Variants in IL1RAPL1 observed in about 807,000 individuals in gnomAD.
IL1RAPL1 encodes the protein interleukin-1 receptor accessory protein-like 1.
IL1RAPL1 carries 3 observed loss-of-function variants against 48.4 expected under a neutral mutation model. That is an observed-to-expected ratio of 0.06 (90% CI 0.03 to 0.16). The LOEUF (loss-of-function observed/expected upper bound fraction) is 0.16. Ranked by LOEUF, IL1RAPL1 falls within the 10% of genes least tolerant of loss-of-function variation. The pLI is 1.00. For synonymous variants in IL1RAPL1, 185 were observed against 187.7 expected, an observed-to-expected ratio of 0.99 and a Z score of 0.12; for missense variants, 349 against 530.6, an observed-to-expected ratio of 0.66 and a Z score of 3.36.
rs146301678 is a variant in IL1RAPL1 at position 29,217,251 on chromosome X, T to C, written c.83-65687T>C. ...AAAATGCTAGTCTAGACCAAATCAATTGACTTCATGACCCAATAATAGATA... is the reference window on the plus strand; with the variant it reads ...AAAATGCTAGTCTAGACCAAATCAACTGACTTCATGACCCAATAATAGATA... On this transcript the variant is annotated intron_variant, in intron 2 of 10. Coordinates refer to ENST00000378993, the MANE Select transcript of IL1RAPL1 (RefSeq NM_014271.4). 7.5e-3 allele frequency among the ~76,000 whole-genome samples: 843 copies of C among 112,322 alleles called. 2 individuals are homozygous for C. The highest frequency in any genetic ancestry group is 0.018 in the Middle Eastern group (4 of 218).
intron 2 of IL1RAPL1, among the ~76,000 whole-genome samples, chrX:29,086,234 G>A (rs1055848404): frequency 8.9e-6 from 1 of 112,429 alleles, no homozygotes; most frequent in African/African-American, 3.2e-5. Flanking sequence ...CTCCAACATT[G>A]TGAGCATCCC....
intron 1 of IL1RAPL1, among the ~76,000 whole-genome samples, chrX:28,703,758 C>A (rs771213060): frequency 3.6e-5 from 4 of 112,022 alleles, no homozygotes; most frequent in South Asian, 7.4e-4. Flanking sequence ...TACTCTAAAG[C>A]AAAGCACTTT....
intron 2 of IL1RAPL1, among the ~76,000 whole-genome samples, chrX:28,928,069 ATT>A (rs1157284691): frequency 9.0e-6 from 1 of 110,539 alleles, no homozygotes; most frequent in South Asian, 3.8e-4. Flanking sequence ...AGACCTTTTG[ATT>A]TTTTTCCATC....
Position 28,918,764 on chromosome X carries a change from T to C in IL1RAPL1, c.82+129339T>C, listed in dbSNP as rs147787213. ...ATTCCTGGTAAATAGAAAGGCCTGA[T>C]TGAAAGCTCTGAGCTGGGAACACAG... On this transcript the variant is annotated intron_variant, in intron 2 of 10. Transcript: ENST00000378993. 3.4e-3 allele frequency among the ~76,000 whole-genome samples: 378 copies of C among 111,396 alleles called. 2 individuals are homozygous for C. The highest frequency in any genetic ancestry group is 5.2e-3 in the Non-Finnish European group (275 of 53,018).
intron 6 of IL1RAPL1, among the ~76,000 whole-genome samples, chrX:29,757,449 A>T (rs1343772724): frequency 8.9e-6 from 1 of 112,057 alleles, no homozygotes; most frequent in African/African-American, 3.2e-5. Flanking sequence ...CTTCTATCCA[A>T]TTTCCAATCA....
At chrX:29,435,808 C>T (rs1934475858) in intron 5 of IL1RAPL1, among the ~76,000 whole-genome samples, 1 of 110,294 alleles carries the variant, frequency 9.1e-6, no homozygotes, top group Middle Eastern at 4.6e-3. Flanking sequence ...CCTCTGAAGA[C>T]CCAGCCTCAC....
At chrX:28,962,208 T>G (rs1344921738) in intron 2 of IL1RAPL1, among the ~76,000 whole-genome samples, 1 of 112,238 alleles carries the variant, frequency 8.9e-6, no homozygotes, top group Admixed American at 9.5e-5. Context: ...TCTGGTTCTC[T>G]ATTGGAAAAC....
chrX:29,704,650 C>A (rs1927144552), intron 6 of IL1RAPL1, among the ~76,000 whole-genome samples: 1 of 110,972 alleles, frequency 9.0e-6, no homozygotes, highest in Non-Finnish European at 1.9e-5. Flanking sequence ...GCCTGGGTGA[C>A]AGAGTGAGAC....
intron 2 of IL1RAPL1, among the ~76,000 whole-genome samples, chrX:28,797,604 A>G (rs1936628571): frequency 9.0e-6 from 1 of 111,412 alleles, no homozygotes; most frequent in African/African-American, 3.3e-5. Context: ...CCTCATCTCC[A>G]TCTCAGAACG....
At chrX:29,074,499 C>A (rs1046449246) in intron 2 of IL1RAPL1, among the ~76,000 whole-genome samples, 7 of 111,968 alleles carry the variant, frequency 6.3e-5, no homozygotes, top group Non-Finnish European at 1.1e-4. Flanking sequence ...CTTCATTATA[C>A]AAAATCTAAT....
rs774338478 is a variant in IL1RAPL1 at position 28,699,682 on chromosome X, G to A, written c.-24-89638G>A. 3.7e-3 allele frequency among the ~76,000 whole-genome samples: 409 copies of A among 111,662 alleles called. 2 individuals carry two copies. Among genetic ancestry groups the A allele is most frequent in the African/African-American group, 0.013 (388 of 30,798 alleles). On this transcript the variant is annotated intron_variant, in intron 1 of 10. Coordinates refer to ENST00000378993, the MANE Select transcript of IL1RAPL1 (RefSeq NM_014271.4). ...CTCCTCTGTTTGTTGAAGCCTCATC[G>A]TTGGAGAAGGGCTTGAGTAGTCTTG...
chrX:29,048,585 T>C (rs1446270453), intron 2 of IL1RAPL1, among the ~76,000 whole-genome samples: 1 of 112,210 alleles, frequency 8.9e-6, no homozygotes, highest in African/African-American at 3.2e-5. Context: ...GCATATCTTA[T>C]CAATTGCAAT....
At chrX:29,421,705 T>A (rs1332445388) in intron 5 of IL1RAPL1, among the ~76,000 whole-genome samples, 1 of 111,508 alleles carries the variant, frequency 9.0e-6, no homozygotes, top group African/African-American at 3.3e-5. Flanking sequence ...TGTAGTATTA[T>A]CCATAATAGT....
intron 3 of IL1RAPL1, among the ~76,000 whole-genome samples, chrX:29,351,579 A>G (rs1050260614): frequency 1.2e-4 from 14 of 112,645 alleles, no homozygotes; most frequent in African/African-American, 4.2e-4. Context: ...TTCTTTCAAT[A>G]TGAAATTGGT....
chrX:29,607,053 G>A (rs1221837309), intron 5 of IL1RAPL1, among the ~76,000 whole-genome samples: 2 of 111,853 alleles, frequency 1.8e-5, no homozygotes, highest in East Asian at 2.8e-4. Flanking sequence ...AGAAAATAAT[G>A]ACTATCACTG....
At chrX:29,838,211 A>ATGAT (rs1314169845) in intron 6 of IL1RAPL1, among the ~76,000 whole-genome samples, 2 of 112,264 alleles carry the variant, frequency 1.8e-5, no homozygotes, top group East Asian at 5.6e-4. Context: ...AGTCTCCAGT[A>ATGAT]TGATTCATAC....
chrX:28,729,714 G>A (rs1168166380), intron 1 of IL1RAPL1, among the ~76,000 whole-genome samples: 1 of 111,439 alleles, frequency 9.0e-6, no homozygotes, highest in Non-Finnish European at 1.9e-5. Flanking sequence ...AGATAGGGAT[G>A]AGGCCGGGTG....
chrX:29,101,588 G>A (rs1482874808), intron 2 of IL1RAPL1, among the ~76,000 whole-genome samples: 1 of 111,406 alleles, frequency 9.0e-6, no homozygotes, highest in Non-Finnish European at 1.9e-5. Context: ...ATAAACATTG[G>A]TGCAAAAATC....
At chrX:28,640,050 G>A (rs1934514547) in intron 1 of IL1RAPL1, among the ~76,000 whole-genome samples, 1 of 111,563 alleles carries the variant, frequency 9.0e-6, no homozygotes, top group African/African-American at 3.3e-5. Flanking sequence ...ACTCTTCTAG[G>A]TCCCTTGCAT....
Sources: gnomAD v4.1 joint callset for allele counts (sites outside exome capture counted in the v4.1 genomes callset) on GRCh38, gnomAD v4.1.1 for gene constraint, MANE v1.5 for transcripts, NCBI Gene and HGNC (gene_info 2026-07-23, HGNC 2026-07-21) for gene names.